Variants in DPYD observed in about 807,000 individuals in gnomAD.
DPYD encodes the protein dihydropyrimidine dehydrogenase [NADP(+)].
Under a neutral mutation model 116.2 loss-of-function variants are expected in DPYD, and 109 were observed. The observed-to-expected ratio is 0.94, with a 90% CI of 0.80 to 1.10. The LOEUF (loss-of-function observed/expected upper bound fraction) is 1.10, where lower values mean the gene tolerates loss of function less well. Ranked by LOEUF, DPYD falls within the 50% of genes least tolerant of loss-of-function variation. DPYD has a pLI of 0.00. For missense variants in DPYD, 1,302 were observed against 1,254.5 expected (o/e 1.04, Z -0.57); for synonymous variants, 440 against 432.0 (o/e 1.02, Z -0.23).
chr1:97,802,584 T>C (rs1052243905), intron 3 of DPYD, among the ~76,000 whole-genome samples: 1 of 151,844 alleles, frequency 6.6e-6, no homozygotes, highest in African/African-American at 2.4e-5. Context: ...GATATTTATT[T>C]TACCAAGACT....
chr1:97,229,772 C>A (rs1354323321), intron 19 of DPYD, among the ~76,000 whole-genome samples: 1 of 151,772 alleles, frequency 6.6e-6, no homozygotes, highest in African/African-American at 2.4e-5. Context: ...GTCTTGATTT[C>A]CTCTTCATTT....
At chr1:97,720,386 T>A (rs2101023699) in intron 5 of DPYD, 1 of 985,356 alleles carries the variant, frequency 1.0e-6, no homozygotes, top group Non-Finnish European at 1.2e-6. Flanking sequence ...ATCTTCTCCA[T>A]CAACTAAGGA....
chr1:97,519,255 T>C (rs1334353751), intron 12 of DPYD, among the ~76,000 whole-genome samples: 2 of 152,126 alleles, frequency 1.3e-5, no homozygotes, highest in East Asian at 1.9e-4. Context: ...CTCACAATCA[T>C]GGTGGGAGGC....
chr1:97,636,340 C>A (rs746305298), intron 8 of DPYD, among the ~76,000 whole-genome samples: 6 of 152,030 alleles, frequency 3.9e-5, no homozygotes, highest in Admixed American at 6.6e-5. Context: ...CTGGCCCCAC[C>A]TTTCTCTAGG....
At chr1:97,131,072 G>C (rs1653304815) in intron 20 of DPYD, among the ~76,000 whole-genome samples, 1 of 151,926 alleles carries the variant, frequency 6.6e-6, no homozygotes, top group South Asian at 2.1e-4. Flanking sequence ...TGTAAAGGCA[G>C]CACTTTACAC....
rs952872533 is a variant in DPYD, at chr1:97,488,653, A to G, written c.1740+27073T>C. ...AGGGTTCAGACACCAGACCCAATTG[A>G]GACCTAGCTAAAACAGGGCCAGGGC... On this transcript the variant is annotated intron_variant, in intron 13 of 22. Coordinates refer to ENST00000370192, the MANE Select transcript of DPYD (RefSeq NM_000110.4). 3.3e-5 allele frequency among the ~76,000 whole-genome samples: 5 copies of G among 152,284 alleles called. No homozygotes were observed. The East Asian group carries it at 7.7e-4, about 24-fold the overall frequency.
intron 12 of DPYD, among the ~76,000 whole-genome samples, chr1:97,538,193 C>A (rs1306294001): frequency 6.6e-6 from 1 of 152,108 alleles, no homozygotes; most frequent in Non-Finnish European, 1.5e-5. Context: ...AACGAATCCA[C>A]CAAAAGGAAG....
intron 18 of DPYD, among the ~76,000 whole-genome samples, chr1:97,256,789 G>A (rs542439698): frequency 1.3e-5 from 2 of 151,842 alleles, no homozygotes; most frequent in South Asian, 4.2e-4. Context: ...TTAGCACTAA[G>A]AACAAAATTA....
At chr1:97,731,883 T>G (rs189877241) in intron 4 of DPYD, among the ~76,000 whole-genome samples, 1 of 152,100 alleles carries the variant, frequency 6.6e-6, no homozygotes, top group Admixed American at 6.5e-5. Context: ...TTTTATATCA[T>G]TAGTGTTTTT....
intron 10 of DPYD, among the ~76,000 whole-genome samples, chr1:97,587,900 C>T (rs1654250019): frequency 6.6e-6 from 1 of 150,442 alleles, no homozygotes; most frequent in Non-Finnish European, 1.5e-5. Flanking sequence ...ATAGACATAG[C>T]TTTAACATGG....
At chr1:97,636,146 A>G (rs1246876498) in intron 8 of DPYD, among the ~76,000 whole-genome samples, 1 of 152,100 alleles carries the variant, frequency 6.6e-6, no homozygotes, top group Non-Finnish European at 1.5e-5. Context: ...TTCTATTAAA[A>G]AAAAATCACT....
chr1:97,198,078 A>AAT (rs760670490), intron 19 of DPYD, among the ~76,000 whole-genome samples: 9 of 152,138 alleles, frequency 5.9e-5, no homozygotes, highest in Non-Finnish European at 1.0e-4. Context: ...TTTTCTTTTA[A>AAT]AATTTTGTTG....
At chr1:97,391,725 CT>C (rs1393123442) in intron 14 of DPYD, among the ~76,000 whole-genome samples, 1 of 152,044 alleles carries the variant, frequency 6.6e-6, no homozygotes, top group Non-Finnish European at 1.5e-5. Context: ...CCAATACTAT[CT>C]GCCAAAGTAT....
chr1:97,735,724 AAAT>A (rs879382067), intron 4 of DPYD, among the ~76,000 whole-genome samples: 2,917 of 149,454 alleles, frequency 0.02, 50 homozygotes, highest in Non-Finnish European at 0.031. Context: ...ATAAATAAAT[AAAT>A]AAAACAATAA....
At chr1:97,743,139 C>A (rs1043780920) in intron 3 of DPYD, among the ~76,000 whole-genome samples, 1 of 152,068 alleles carries the variant, frequency 6.6e-6, no homozygotes, top group African/African-American at 2.4e-5. Flanking sequence ...GGTTATTAAG[C>A]CTCTTTACCA....
chr1:97,848,586 G>A (rs980104106), intron 2 of DPYD, among the ~76,000 whole-genome samples: 2 of 152,046 alleles, frequency 1.3e-5, no homozygotes, highest in African/African-American at 2.4e-5. Flanking sequence ...TCTTTTATGC[G>A]TATCTAGCAT....
intron 14 of DPYD, among the ~76,000 whole-genome samples, chr1:97,393,155 C>T (rs964516480): frequency 3.3e-5 from 5 of 152,108 alleles, no homozygotes; most frequent in African/African-American, 1.2e-4. Context: ...CTAGTTTTTG[C>T]CCTATCTCAG....
intron 5 of DPYD, among the ~76,000 whole-genome samples, chr1:97,710,720 GA>G (rs146722577): frequency 6.6e-6 from 1 of 151,024 alleles, no homozygotes; most frequent in African/African-American, 2.4e-5. Flanking sequence ...ACACCAGTAT[GA>G]AAAAAAACAT....
intron 8 of DPYD, among the ~76,000 whole-genome samples, chr1:97,657,653 T>C (rs1659009978): frequency 6.6e-6 from 1 of 152,186 alleles, no homozygotes; most frequent in Non-Finnish European, 1.5e-5. Flanking sequence ...CATAAATATA[T>C]CTGATAAAAG....
Sources: allele counts gnomAD v4.1 joint callset (sites outside exome capture counted in the v4.1 genomes callset), GRCh38; gene constraint gnomAD v4.1.1; transcripts MANE v1.5; gene names NCBI Gene and HGNC (gene_info 2026-07-23, HGNC 2026-07-21).